The following NXPE2 variants were observed in gnomAD, a reference collection of about 807,000 sequenced individuals.
NXPE2 encodes neurexophilin and PC-esterase domain family member 2.
In NXPE2, 34 loss-of-function variants were observed where a neutral mutation model predicts 34.4. The ratio of observed to expected loss-of-function variants is 0.99; its 90% confidence interval spans 0.75 to 1.31. The LOEUF (loss-of-function observed/expected upper bound fraction) is 1.31, where lower values mean the gene tolerates loss of function less well. NXPE2 is among the 40% of genes most tolerant of loss of function. The pLI, the probability that NXPE2 is intolerant of heterozygous loss-of-function variation, is 0.00. For missense variants in NXPE2, 649 were observed against 672.5 expected, an observed-to-expected ratio of 0.97 and a Z score of 0.39; for synonymous variants, 235 against 231.3, an observed-to-expected ratio of 1.02 and a Z score of -0.15.
At chr11:114,673,038 AC>A in the NXPE2 span, among the ~76,000 whole-genome samples, 6 of 149,376 alleles carry the variant, frequency 4.0e-5, no homozygotes, top group African/African-American at 1.5e-4. Flanking sequence ...TCTAGGATAG[AC>A]CACATACTAT....
At chr11:114,529,220 T>C in the NXPE2 span, 1 of 163,198 alleles carries the variant, frequency 6.1e-6, no homozygotes, top group Admixed American at 6.3e-5. Context: ...AAAAGGGTAC[T>C]GGCAGAATTG....
the NXPE2 span, among the ~76,000 whole-genome samples, chr11:114,601,605 A>C: frequency 1.3e-5 from 1 of 79,358 alleles, no homozygotes; most frequent in African/African-American, 5.1e-5. Flanking sequence ...ATTTATAATT[A>C]TATATAATTA....
chr11:114,571,574 C>A, the NXPE2 span: 1 of 1,048,672 alleles, frequency 9.5e-7, no homozygotes. Flanking sequence ...ATTAAATAAG[C>A]TAATCATGTC....
the NXPE2 span, among the ~76,000 whole-genome samples, chr11:114,627,760 G>A: frequency 6.6e-6 from 1 of 152,112 alleles, no homozygotes; most frequent in African/African-American, 2.4e-5. Context: ...TCAGTGTGCT[G>A]TATTCAGGAA....
the NXPE2 span, among the ~76,000 whole-genome samples, chr11:114,740,550 TA>T: frequency 1.3e-5 from 2 of 152,090 alleles, no homozygotes; most frequent in East Asian, 3.9e-4. Flanking sequence ...ATGCTTTTTT[TA>T]AAAAAAATGA....
chr11:114,700,271 C>T (rs779657524), intron 3 of NXPE2, among the ~76,000 whole-genome samples: 6 of 152,124 alleles, frequency 3.9e-5, no homozygotes, highest in Non-Finnish European at 7.3e-5. Context: ...GAAATTTAAA[C>T]TCTTTTAATA....
chr11:114,569,121 T>G, the NXPE2 span, among the ~76,000 whole-genome samples: 1 of 152,190 alleles, frequency 6.6e-6, no homozygotes, highest in South Asian at 2.1e-4. Context: ...TTGTAATTGT[T>G]TTTTTCCAGA....
At chr11:114,698,946 A>G (rs1252709792) in intron 3 of NXPE2, among the ~76,000 whole-genome samples, 168 bp downstream of exon 3, 1 of 152,170 alleles carries the variant, frequency 6.6e-6, no homozygotes, top group Non-Finnish European at 1.5e-5. Flanking sequence ...GGATCCATAC[A>G]AGTCACCCCT....
chr11:114,551,189 T>A, the NXPE2 span: 1 of 1,533,568 alleles, frequency 6.5e-7, no homozygotes, highest in Non-Finnish European at 8.7e-7. Context: ...TGAAGCATTG[T>A]ATTTGAGGAC....
chr11:114,713,933 A>G, the NXPE2 span, among the ~76,000 whole-genome samples: 1 of 152,262 alleles, frequency 6.6e-6, no homozygotes, highest in Non-Finnish European at 1.5e-5. Context: ...GCAAAAAGTC[A>G]TCAAGTGCTT....
At chr11:114,482,696 A>G in the NXPE2 span, among the ~76,000 whole-genome samples, 16 of 152,284 alleles carry the variant, frequency 1.1e-4, no homozygotes, top group South Asian at 2.9e-3. Context: ...GCCATCAACT[A>G]CTATCACATT....
At chr11:114,517,682 C>A in the NXPE2 span, among the ~76,000 whole-genome samples, 3 of 152,274 alleles carry the variant, frequency 2.0e-5, no homozygotes, top group East Asian at 1.9e-4. Flanking sequence ...CACAGCTGTG[C>A]ATCTCCATGA....
At chr11:114,589,204 G>A in the NXPE2 span, among the ~76,000 whole-genome samples, 7 of 152,276 alleles carry the variant, frequency 4.6e-5, no homozygotes, top group Middle Eastern at 3.4e-3. Flanking sequence ...TGCCCCCAGA[G>A]ATGAAGGTCA....
At chr11:114,579,587 C>A in the NXPE2 span, among the ~76,000 whole-genome samples, 42 of 152,242 alleles carry the variant, frequency 2.8e-4, no homozygotes, top group African/African-American at 7.7e-4. Context: ...GTAATGATAC[C>A]TTACACCAAA....
At chr11:114,773,273 A>ACCCCCCCCCCCCC in the NXPE2 span, among the ~76,000 whole-genome samples, 3 of 37,280 alleles carry the variant, frequency 8.0e-5, no homozygotes, top group Admixed American at 3.1e-4. Flanking sequence ...TACACAACCC[A>ACCCCCCCCCCCCC]CTCCCACCCC....
intron 2 of NXPE2, among the ~76,000 whole-genome samples, chr11:114,697,529 C>T (rs1166791960): frequency 6.6e-6 from 1 of 152,042 alleles, no homozygotes; most frequent in Non-Finnish European, 1.5e-5. Flanking sequence ...GATGTCAGCC[C>T]CATGAAACTA....
the NXPE2 span, among the ~76,000 whole-genome samples, chr11:114,811,134 A>G: frequency 1.4e-5 from 2 of 142,256 alleles, no homozygotes; most frequent in African/African-American, 5.2e-5. Context: ...GAACTGAACA[A>G]TGAGAACACA....
At chr11:114,516,752 A>T in the NXPE2 span, among the ~76,000 whole-genome samples, 1 of 152,180 alleles carries the variant, frequency 6.6e-6, no homozygotes, top group South Asian at 2.1e-4. Flanking sequence ...CCTTTTGTAC[A>T]TGCTGTTCCT....
the NXPE2 span, among the ~76,000 whole-genome samples, chr11:114,589,112 A>C: frequency 3.9e-5 from 6 of 152,094 alleles, no homozygotes; most frequent in African/African-American, 2.4e-5. Context: ...AAGTCAGAGG[A>C]CTTTAAAAAG....
Sources: allele counts gnomAD v4.1 joint callset (sites outside exome capture counted in the v4.1 genomes callset), GRCh38; gene constraint gnomAD v4.1.1; transcripts MANE v1.5; gene names NCBI Gene and HGNC (gene_info 2026-07-23, HGNC 2026-07-21).